TBC1D32: variants seen among roughly 807,000 people sequenced by gnomAD.
The protein encoded by TBC1D32 is TBC1 domain family member 32, also known as protein broad-minded.
TBC1D32 carries 151 observed loss-of-function variants against 170.3 expected under a neutral mutation model. That is an observed-to-expected ratio of 0.89 (90% confidence interval 0.78 to 1.01). TBC1D32 has a LOEUF of 1.01. Among genes scored for constraint, TBC1D32 ranks in the 50% least tolerant of loss-of-function variants. The pLI, the probability that TBC1D32 is intolerant of heterozygous loss-of-function variation, is 0.00. For synonymous variants in TBC1D32, 498 were observed against 488.0 expected (o/e 1.02, Z -0.27); for missense variants, 1,464 against 1,457.1 (o/e 1.00, Z -0.08).
chr6:121,259,357 T>C (rs901238820), intron 15 of TBC1D32, among the ~76,000 whole-genome samples: 1 of 151,912 alleles, frequency 6.6e-6, no homozygotes, highest in African/African-American at 2.4e-5. Flanking sequence ...TGGGAAAAAT[T>C]TGACTACATG....
chr6:121,245,618 A>C (rs570360327), intron 17 of TBC1D32, among the ~76,000 whole-genome samples: 5 of 152,226 alleles, frequency 3.3e-5, no homozygotes, highest in African/African-American at 1.2e-4. Flanking sequence ...CCCCCGGTAC[A>C]TTACTGCAGA....
intron 20 of TBC1D32, among the ~76,000 whole-genome samples, chr6:121,238,403 G>T (rs1230710393): frequency 6.6e-6 from 1 of 151,922 alleles, no homozygotes; most frequent in Non-Finnish European, 1.5e-5. Context: ...GTTTTCTATG[G>T]GAGTGAACTA....
intron 22 of TBC1D32, chr6:121,170,432 T>C (rs1247441190): frequency 1.9e-6 from 3 of 1,605,392 alleles, no homozygotes; most frequent in Admixed American, 3.4e-5. Context: ...CTCCAAGATA[T>C]TTTCTTCTTG....
At chr6:121,158,392 T>G (rs150967581) in intron 24 of TBC1D32, among the ~76,000 whole-genome samples, 116 of 152,272 alleles carry the variant, frequency 7.6e-4, no homozygotes, top group African/African-American at 2.7e-3. Context: ...TTTTTTCTTT[T>G]AGCTCCTGGA....
chr6:121,141,370 G>A (rs1219681692), intron 24 of TBC1D32, among the ~76,000 whole-genome samples: 2 of 152,216 alleles, frequency 1.3e-5, no homozygotes, highest in African/African-American at 4.8e-5. Context: ...TAAGCCTAAT[G>A]TCTTTTAAGG....
chr6:121,115,232 G>C lies in TBC1D32; in HGVS notation c.2993C>G (p.Ala998Gly). Residue 998 changes from alanine to glycine, a missense_variant, in exon 27 of 32, where the codon GCA becomes GGA. Transcript: ENST00000398212. ...TGAAAGACTTTCATTCTTCACATTTGCATCAGTAGCTAAAGACAACAGAAA... is the reference window on the plus strand; with the variant it reads ...TGAAAGACTTTCATTCTTCACATTTCCATCAGTAGCTAAAGACAACAGAAA... Reference protein sequence around the residue: ...FPSVEYTATDANVKNESLSSV... With the variant: ...FPSVEYTATDGNVKNESLSSV... 2 of 1,597,196 alleles carry C rather than the reference G, an allele frequency of 1.3e-6. No homozygotes were observed. The highest frequency in any genetic ancestry group is 8.5e-7 in the Non-Finnish European group (1 of 1,170,010).
intron 30 of TBC1D32, among the ~76,000 whole-genome samples, chr6:121,092,315 T>G (rs1776903082): frequency 6.8e-6 from 1 of 146,266 alleles, no homozygotes; most frequent in Non-Finnish European, 1.5e-5. Flanking sequence ...TTTTTTTTTT[T>G]TTTTTTTTGG....
rs571715874 is a variant in TBC1D32 at position 121,128,235 on chromosome 6, T to C, written c.2900-1774A>G. Among the ~76,000 whole-genome samples the C allele has an allele frequency of 4.6e-5, 7 of 152,324 alleles. No homozygotes were observed. The South Asian group carries it at 6.2e-4, about 14-fold the overall frequency. ...TATTCATTTTGCCCAGCAACCCTTA[T>C]GAACAGCAACATATATTTTCAGGTA... On this transcript the variant is annotated intron_variant, in intron 25 of 31. Transcript: ENST00000398212.
intron 30 of TBC1D32, among the ~76,000 whole-genome samples, chr6:121,103,352 A>G (rs552944555): frequency 8.5e-5 from 13 of 152,210 alleles, no homozygotes; most frequent in African/African-American, 3.1e-4. Flanking sequence ...CATCAATGAT[A>G]GACTCGATTA....
intron 31 of TBC1D32, among the ~76,000 whole-genome samples, chr6:121,082,446 C>T (rs866687809): frequency 5.3e-5 from 8 of 151,952 alleles, no homozygotes; most frequent in Non-Finnish European, 7.4e-5. Flanking sequence ...TTATGTGTGA[C>T]GTGGCTTTAA....
intron 22 of TBC1D32, chr6:121,170,593 T>G: frequency 1.6e-6 from 2 of 1,250,572 alleles, no homozygotes; most frequent in Non-Finnish European, 2.1e-6. Flanking sequence ...ATTACATCCT[T>G]GATGTCTCAA....
chr6:121,174,937 T>A (rs1019027611), intron 22 of TBC1D32, among the ~76,000 whole-genome samples: 2 of 146,440 alleles, frequency 1.4e-5, no homozygotes, highest in Non-Finnish European at 3.0e-5. Context: ...GAGGCTGAGG[T>A]GGGAGAATCA....
chr6:121,325,085 G>C (rs1170323123), intron 1 of TBC1D32, among the ~76,000 whole-genome samples: 1 of 151,960 alleles, frequency 6.6e-6, no homozygotes, highest in Admixed American at 6.6e-5. Flanking sequence ...GGTGGCACAT[G>C]CTTATAATCC....
At position 121,160,047 on chromosome 6, in the gene TBC1D32, A is replaced by T; in HGVS notation, c.2736T>A (p.Tyr912Ter). 12 of 1,609,130 alleles carry T rather than the reference A, an allele frequency of 7.5e-6. No homozygotes were observed. The highest frequency in any genetic ancestry group is 1.0e-5 in the Non-Finnish European group (12 of 1,176,322). The change falls in exon 24 of 32, where the codon TAT becomes TAA. Residue 912 changes from tyrosine (Y) to a stop codon, truncating the protein, a stop_gained. Transcript: ENST00000398212. LOFTEE classifies it high-confidence loss of function. ...CAGCATTTCTTGTAATGTCTGACAGATAGCAGTTTGGCAATGGATATGATG... is the reference window on the plus strand; with the variant it reads ...CAGCATTTCTTGTAATGTCTGACAGTTAGCAGTTTGGCAATGGATATGATG... ...MFSSYPLPNC[Y>*]LSDITRNAGI...
chr6:121,137,074 T>C (rs915864857), intron 24 of TBC1D32, among the ~76,000 whole-genome samples: 1 of 152,150 alleles, frequency 6.6e-6, no homozygotes, highest in Non-Finnish European at 1.5e-5. Flanking sequence ...TCCTCATTAA[T>C]ATGTCCTGAT....
At chr6:121,322,091 C>T (rs1265441502) in intron 1 of TBC1D32, among the ~76,000 whole-genome samples, 1 of 152,074 alleles carries the variant, frequency 6.6e-6, no homozygotes, top group Non-Finnish European at 1.5e-5. Flanking sequence ...CTATCTTTAA[C>T]ATGTGACAGT....
rs372518735 is a variant in TBC1D32 at position 121,331,787 on chromosome 6, GGA to G, written c.155+2487_155+2488del. Among the ~76,000 whole-genome samples the G allele has an allele frequency of 1.6e-4, 25 of 152,260 alleles. No individual in the cohort carries two copies. The East Asian group carries it at 4.8e-3, about 29-fold the overall frequency. On this transcript the variant is annotated intron_variant, in intron 1 of 31. Transcript: ENST00000398212. ...CAACTCTGAGATTGTAAAATTCCAT[GGA>G]GAGACCAAAGTTAAGCAGCTCCTCT... is the stretch of plus-strand genomic sequence containing the variant.
chr6:121,129,706 GAC>G, intron 25 of TBC1D32, among the ~76,000 whole-genome samples: 1 of 152,174 alleles, frequency 6.6e-6, no homozygotes, highest in Non-Finnish European at 1.5e-5. Flanking sequence ...ACAAATTAGA[GAC>G]AGACTTAGGA....
At chr6:121,280,910 C>G (rs1199828132) in intron 14 of TBC1D32, among the ~76,000 whole-genome samples, 2 of 151,780 alleles carry the variant, frequency 1.3e-5, no homozygotes, top group Non-Finnish European at 3.0e-5. Context: ...AATCACTGCC[C>G]AGAAGCTTAA....
Sources: allele counts gnomAD v4.1 joint callset (sites outside exome capture counted in the v4.1 genomes callset), GRCh38; gene constraint gnomAD v4.1.1; transcripts MANE v1.5; gene names NCBI Gene and HGNC (gene_info 2026-07-23, HGNC 2026-07-21).